The following SIRPA variants were observed in gnomAD, a reference collection of about 807,000 sequenced individuals.
The protein encoded by SIRPA is signal regulatory protein alpha, also known as tyrosine-protein phosphatase non-receptor type substrate 1.
In SIRPA, 9 loss-of-function variants were observed where a neutral mutation model predicts 50.3. The observed-to-expected ratio is 0.18, with a 90% CI of 0.11 to 0.31. SIRPA has a LOEUF of 0.31. Among genes scored for constraint, SIRPA ranks in the 10% least tolerant of loss-of-function variants. SIRPA has a pLI of 1.00. For missense variants in SIRPA, 474 were observed against 661.6 expected (o/e 0.72, Z 3.11); for synonymous variants, 265 against 284.1 (o/e 0.93, Z 0.68).
At chr20:1,896,346 C>A (rs890020977) in intron 1 of SIRPA, among the ~76,000 whole-genome samples, 1 of 151,392 alleles carries the variant, frequency 6.6e-6, no homozygotes. Context: ...CAGGCGGGCT[C>A]TGAAGGCTAC....
intron 2 of SIRPA, among the ~76,000 whole-genome samples, chr20:1,915,790 G>A (rs1255533444): frequency 6.6e-6 from 1 of 152,220 alleles, no homozygotes; most frequent in African/African-American, 2.4e-5. Flanking sequence ...GACCTCACCT[G>A]CTGCCTCCAG....
At chr20:1,902,498 A>G (rs989090551) in intron 1 of SIRPA, among the ~76,000 whole-genome samples, 3 of 152,240 alleles carry the variant, frequency 2.0e-5, no homozygotes, top group Non-Finnish European at 4.4e-5. Context: ...AGCACCTACT[A>G]TGTGCCAGGG....
At chr20:1,916,866 T>C (rs2123112277) in intron 2 of SIRPA, among the ~76,000 whole-genome samples, 1 of 152,218 alleles carries the variant, frequency 6.6e-6, no homozygotes, top group Non-Finnish European at 1.5e-5. Flanking sequence ...GGGTGTGTGT[T>C]TTAATGTGTG....
In SIRPA at chr20:1,939,152, CA is replaced by C. The variant is rs1986754774; in HGVS notation, c.*1585del. On this transcript the variant is annotated 3_prime_UTR_variant, in exon 8 of 8. Transcript: ENST00000358771. The surrounding 1 kb of genome is among the most constrained non-coding windows in gnomAD (Gnocchi z 4.7). ...AGGGCCTGACCGGGCCCAGGGCAAG[CA>C]GATGTCGCAAGCCCTATTTATTCAG... is the stretch of plus-strand genomic sequence containing the variant. 6.6e-6 allele frequency: 1 copy of C among 152,312 alleles called. No homozygotes were observed. Among genetic ancestry groups the C allele is most frequent in the Non-Finnish European group, 1.5e-5 (1 of 68,076 alleles). 9.4% of individuals were successfully genotyped at this position (152,312 alleles called of 1,614,324 possible).
At chr20:1,907,252 C>T (rs1286090724) in intron 1 of SIRPA, among the ~76,000 whole-genome samples, 1 of 152,202 alleles carries the variant, frequency 6.6e-6, no homozygotes. Flanking sequence ...CACACGCATC[C>T]CCATTTTTGG....
rs116067310 is a variant in SIRPA at position 1,902,514 on chromosome 20, T to A, written c.79+6988T>A. Among the ~76,000 whole-genome samples, 848 of 152,330 alleles carry A rather than the reference T, an allele frequency of 5.6e-3. 11 individuals are homozygous for A. Among genetic ancestry groups the A allele is most frequent in the African/African-American group, 0.019 (792 of 41,570 alleles). On this transcript the variant is annotated intron_variant, in intron 1 of 7. Coordinates refer to ENST00000358771, the MANE Select transcript of SIRPA (RefSeq NM_001040023.2). ...GCACCTACTATGTGCCAGGGATGGC[T>A]CTAGGTGCTTGGAGGATACAAATGT... is the stretch of plus-strand genomic sequence containing the variant.
intron 1 of SIRPA, among the ~76,000 whole-genome samples, chr20:1,906,137 T>TATC (rs1025450887): frequency 4.6e-5 from 7 of 152,064 alleles, no homozygotes; most frequent in Admixed American, 1.3e-4. Flanking sequence ...CTAGTATTGT[T>TATC]ATCATCATCA....
At chr20:1,902,834 A>C (rs1399837737) in intron 1 of SIRPA, among the ~76,000 whole-genome samples, 3 of 152,138 alleles carry the variant, frequency 2.0e-5, no homozygotes, top group African/African-American at 7.2e-5. Context: ...CAACATGGCG[A>C]AATCCCATCT....
At chr20:1,919,858 G>A (rs1444076862) in intron 2 of SIRPA, among the ~76,000 whole-genome samples, 1 of 152,148 alleles carries the variant, frequency 6.6e-6, no homozygotes, top group Non-Finnish European at 1.5e-5. Context: ...TATCATTTGG[G>A]TTTGTCATGA....
At chr20:1,897,225 T>C (rs956023448) in intron 1 of SIRPA, among the ~76,000 whole-genome samples, 3 of 152,180 alleles carry the variant, frequency 2.0e-5, no homozygotes, top group Non-Finnish European at 4.4e-5. Flanking sequence ...ATGGTAAAGA[T>C]TGGGCCATAA....
chr20:1,908,549 A>G (rs1410906137), intron 1 of SIRPA, among the ~76,000 whole-genome samples: 1 of 152,126 alleles, frequency 6.6e-6, no homozygotes, highest in Non-Finnish European at 1.5e-5. Flanking sequence ...GCACTCTGAC[A>G]TATTCCGGCA....
chr20:1,916,025 G>T (rs1985266788), intron 2 of SIRPA, among the ~76,000 whole-genome samples: 1 of 152,248 alleles, frequency 6.6e-6, no homozygotes, highest in Non-Finnish European at 1.5e-5. Flanking sequence ...GATGGCCCTG[G>T]TGAGAGGAGA....
In SIRPA at chr20:1,921,511, T is replaced by A; in HGVS notation, c.553T>A (p.Phe185Ile). The change falls in exon 3 of 8, where the codon TTC becomes ATC. Residue 185 changes from phenylalanine to isoleucine, a missense_variant. This residue lies in a region of SIRPA where 221 missense variants were observed against 359.9 expected (regional missense o/e 0.61). Transcript: ENST00000358771. The part of the protein sequence containing the change: ...FSPRDITLKW[F>I]KNGNELSDFQ... ...ACCCAGAGACATCACCCTGAAATGG[T>A]TCAAAAATGGGAATGAGCTCTCAGA... The A allele has an allele frequency of 3.1e-6, 5 of 1,613,716 alleles. No individual in the cohort carries two copies. The highest frequency in any genetic ancestry group is 4.2e-6 in the Non-Finnish European group (5 of 1,179,876).
At position 1,898,509 on chromosome 20, in the gene SIRPA, TC is replaced by T. The variant is rs1297209179; in HGVS notation, c.79+2984del. ...CAGGCCGGATGCTGCTCCTGCGTCG[TC>T]TCACCCGCAAGACATGGATTGGCTC... is the stretch of plus-strand genomic sequence containing the variant. On this transcript the variant is annotated intron_variant, in intron 1 of 7. Transcript: ENST00000358771. This position sits in a 1 kb window ranked among gnomAD's most constrained non-coding sequence, Gnocchi z 4.3. 6.6e-6 allele frequency among the ~76,000 whole-genome samples: 1 copy of T among 152,072 alleles called. No homozygotes were observed. Among genetic ancestry groups the T allele is most frequent in the African/African-American group, 2.4e-5 (1 of 41,398 alleles).
At chr20:1,926,272 C>T (rs1359954131) in intron 5 of SIRPA, among the ~76,000 whole-genome samples, 2 of 152,226 alleles carry the variant, frequency 1.3e-5, no homozygotes, top group Admixed American at 6.5e-5. Flanking sequence ...TCCTGGAGAG[C>T]CCCACACAGG....
chr20:1,918,639 G>A (rs1297242759), intron 2 of SIRPA, among the ~76,000 whole-genome samples: 1 of 152,050 alleles, frequency 6.6e-6, no homozygotes, highest in African/African-American at 2.4e-5. Flanking sequence ...GATGCAATGA[G>A]CCTGGGGCGA....
chr20:1,929,566 C>CG (rs397726597), intron 6 of SIRPA, among the ~76,000 whole-genome samples: 1 of 151,832 alleles, frequency 6.6e-6, no homozygotes, highest in African/African-American at 2.4e-5. Context: ...TCAGGTGCCC[C>CG]GCTCCTGCCC....
At chr20:1,922,266 A>G in intron 3 of SIRPA, 47 bp from the exon 4 acceptor site, 1 of 1,610,898 alleles carries the variant, frequency 6.2e-7, no homozygotes, top group Non-Finnish European at 8.5e-7. Context: ...CCTCCCTGTG[A>G]TCTGTCTGTG....
intron 2 of SIRPA, among the ~76,000 whole-genome samples, chr20:1,918,856 G>T (rs1985472096): frequency 6.6e-6 from 1 of 152,174 alleles, no homozygotes; most frequent in East Asian, 1.9e-4. Flanking sequence ...GCAGAAGTGT[G>T]GTTAGGAGAG....
Sources: gnomAD v4.1 joint callset for allele counts (sites outside exome capture counted in the v4.1 genomes callset) on GRCh38, gnomAD v4.1.1 for gene constraint, gnomAD v4.1.1 regional missense constraint, Gnocchi (gnomAD v3.1) non-coding constraint, MANE v1.5 for transcripts, NCBI Gene and HGNC (gene_info 2026-07-23, HGNC 2026-07-21) for gene names.